LHFPL3: variants seen among roughly 807,000 people sequenced by gnomAD.
The protein encoded by LHFPL3 is LHFPL tetraspan subfamily member 3.
Under a neutral mutation model 19.3 loss-of-function variants are expected in LHFPL3, and 5 were observed. That is an observed-to-expected ratio of 0.26 (90% confidence interval 0.14 to 0.54). The LOEUF (loss-of-function observed/expected upper bound fraction) is 0.54, where lower values mean the gene tolerates loss of function less well. Ranked by LOEUF, LHFPL3 falls within the 20% of genes least tolerant of loss-of-function variation. The pLI is 0.94. For synonymous variants in LHFPL3, 133 were observed against 126.2 expected, an observed-to-expected ratio of 1.05 and a Z score of -0.36; for missense variants, 249 against 307.4, an observed-to-expected ratio of 0.81 and a Z score of 1.42.
intron 1 of LHFPL3, among the ~76,000 whole-genome samples, chr7:104,417,106 A>G (rs1458854819): frequency 2.0e-5 from 3 of 152,348 alleles, no homozygotes; most frequent in Non-Finnish European, 2.9e-5. Context: ...TAGGGGGCAT[A>G]ATATTCCATT....
chr7:104,372,496 A>G (rs1441451096), intron 1 of LHFPL3, among the ~76,000 whole-genome samples: 3 of 152,128 alleles, frequency 2.0e-5, no homozygotes, highest in Non-Finnish European at 4.4e-5. Flanking sequence ...TTGGTCTACA[A>G]ACTCAGTGTG....
chr7:104,512,000 G>C (rs1393392608), intron 1 of LHFPL3, among the ~76,000 whole-genome samples: 6 of 146,324 alleles, frequency 4.1e-5, no homozygotes, highest in Non-Finnish European at 8.9e-5. Flanking sequence ...TGTCACCCAG[G>C]CTGGAGTGCA....
intron 1 of LHFPL3, among the ~76,000 whole-genome samples, chr7:104,644,871 T>C (rs997550255): frequency 3.3e-5 from 5 of 152,218 alleles, no homozygotes; most frequent in East Asian, 1.9e-4. Context: ...GCCAGATCAA[T>C]CTTGAGCTAT....
chr7:104,830,153 C>G (rs1322976689), intron 2 of LHFPL3, among the ~76,000 whole-genome samples: 2 of 151,798 alleles, frequency 1.3e-5, no homozygotes, highest in Non-Finnish European at 1.5e-5. Context: ...CTCTTCATAT[C>G]CTTTGCCCAC....
chr7:104,800,299 G>T (rs1790219079), intron 2 of LHFPL3, among the ~76,000 whole-genome samples: 1 of 152,184 alleles, frequency 6.6e-6, no homozygotes. Flanking sequence ...CTTGCAAGAA[G>T]CTCTCCAAGG....
At chr7:104,357,173 T>C (rs1790295528) in intron 1 of LHFPL3, among the ~76,000 whole-genome samples, 1 of 152,226 alleles carries the variant, frequency 6.6e-6, no homozygotes, top group East Asian at 1.9e-4. Flanking sequence ...CACAGAATTC[T>C]TCACCTACTG....
At chr7:104,733,336 CTTA>C (rs1378197846) in intron 1 of LHFPL3, among the ~76,000 whole-genome samples, 1 of 152,024 alleles carries the variant, frequency 6.6e-6, no homozygotes, top group Non-Finnish European at 1.5e-5. Flanking sequence ...AAAATCTCCC[CTTA>C]TTATTGTGTG....
At chr7:104,489,544 AT>A (rs1167963408) in intron 1 of LHFPL3, among the ~76,000 whole-genome samples, 1 of 150,654 alleles carries the variant, frequency 6.6e-6, no homozygotes, top group Non-Finnish European at 1.5e-5. Flanking sequence ...CTCCATAAAT[AT>A]TTATTTAATA....
chr7:104,371,555 A>T (rs1790615908), intron 1 of LHFPL3, among the ~76,000 whole-genome samples: 1 of 152,162 alleles, frequency 6.6e-6, no homozygotes, highest in African/African-American at 2.4e-5. Flanking sequence ...TTCACTTCGG[A>T]CTGAAACTTT....
At chr7:104,334,566 T>A (rs1316117708) in intron 1 of LHFPL3, among the ~76,000 whole-genome samples, 1 of 152,004 alleles carries the variant, frequency 6.6e-6, no homozygotes, top group Non-Finnish European at 1.5e-5. Flanking sequence ...AAAATTCCCA[T>A]ATGTTGTGGC....
At chr7:104,434,501 T>C (rs2116566633) in intron 1 of LHFPL3, among the ~76,000 whole-genome samples, 1 of 152,290 alleles carries the variant, frequency 6.6e-6, no homozygotes, top group East Asian at 1.9e-4. Context: ...AATGGACTGG[T>C]TTCAATGTGT....
At chr7:104,863,287 CTA>C (rs1791651476) in intron 2 of LHFPL3, among the ~76,000 whole-genome samples, 1 of 152,182 alleles carries the variant, frequency 6.6e-6, no homozygotes, top group African/African-American at 2.4e-5. Flanking sequence ...CTCACTATTC[CTA>C]TGAGTGTGTT....
chr7:104,414,772 C>G (rs1791591338), intron 1 of LHFPL3, among the ~76,000 whole-genome samples: 1 of 152,190 alleles, frequency 6.6e-6, no homozygotes, highest in African/African-American at 2.4e-5. Context: ...AACCAGCAGC[C>G]TTAACATTTC....
At chr7:104,760,487 G>A (rs1182999319) in intron 2 of LHFPL3, among the ~76,000 whole-genome samples, 2 of 152,086 alleles carry the variant, frequency 1.3e-5, no homozygotes, top group African/African-American at 2.4e-5. Flanking sequence ...TGGATGTCTC[G>A]TATCATGTAA....
rs1336294810 is a variant in LHFPL3, at chr7:104,489,308, C to T, written c.445+160084C>T. On this transcript the variant is annotated intron_variant, in intron 1 of 2. Transcript: ENST00000424859. ...CGTTTTTAGCCGGGATGGTCTCGAT[C>T]TCCTGACCTCGTGATCCGCCCGCCT... Among the ~76,000 whole-genome samples the T allele has an allele frequency of 1.1e-4, 4 of 36,654 alleles. 2 individuals are homozygous for T. Among genetic ancestry groups the T allele is most frequent in the Admixed American group, 8.7e-4 (4 of 4,612 alleles). 24.0% of individuals were successfully genotyped at this position (36,654 alleles called of 152,430 possible).
At chr7:104,731,504 T>C (rs1318088473) in intron 1 of LHFPL3, among the ~76,000 whole-genome samples, 1 of 152,220 alleles carries the variant, frequency 6.6e-6, no homozygotes. Flanking sequence ...GGGAGTTCAC[T>C]CATGATTCGG....
At chr7:104,698,100 T>G (rs1358203155) in intron 1 of LHFPL3, among the ~76,000 whole-genome samples, 3 of 152,206 alleles carry the variant, frequency 2.0e-5, no homozygotes, top group African/African-American at 7.2e-5. Flanking sequence ...CAGGCCTCAT[T>G]TCAGTCAGGG....
intron 1 of LHFPL3, among the ~76,000 whole-genome samples, chr7:104,735,032 G>GTA (rs1562976607): frequency 7.9e-5 from 12 of 152,192 alleles, no homozygotes; most frequent in African/African-American, 2.9e-4. Flanking sequence ...GCAGAACAGC[G>GTA]GATATTGGTG....
At chr7:104,715,467 C>T (rs1184701661) in intron 1 of LHFPL3, among the ~76,000 whole-genome samples, 1 of 152,104 alleles carries the variant, frequency 6.6e-6, no homozygotes, top group Non-Finnish European at 1.5e-5. Flanking sequence ...AGTGGTCATC[C>T]TTGCCTTATT....
Sources: gnomAD v4.1 joint callset for allele counts (sites outside exome capture counted in the v4.1 genomes callset) on GRCh38, gnomAD v4.1.1 for gene constraint, MANE v1.5 for transcripts, NCBI Gene and HGNC (gene_info 2026-07-23, HGNC 2026-07-21) for gene names.